Variants in PRKN observed in about 807,000 individuals in gnomAD.
PRKN encodes the protein E3 ubiquitin-protein ligase parkin.
In PRKN, 56 loss-of-function variants were observed where a neutral mutation model predicts 59.5. The ratio of observed to expected loss-of-function variants is 0.94; its 90% CI spans 0.76 to 1.18. PRKN has a LOEUF of 1.18. Among genes scored for constraint, PRKN ranks in the 50% most tolerant of loss-of-function variants. The probability of loss-of-function intolerance (pLI) is 0.00; values close to 1 mark genes in which losing one functional copy is unlikely to be tolerated. For synonymous variants in PRKN, 250 were observed against 222.1 expected, an observed-to-expected ratio of 1.13 and a Z score of -1.12; for missense variants, 657 against 596.4, an observed-to-expected ratio of 1.10 and a Z score of -1.06.
At chr6:162,697,363 A>C (rs549660563) in intron 1 of PRKN, among the ~76,000 whole-genome samples, 1 of 152,334 alleles carries the variant, frequency 6.6e-6, no homozygotes, top group African/African-American at 2.4e-5. Context: ...TTTAGGTCAA[A>C]AAAATGCTGA....
At chr6:162,497,071 T>C (rs528810500) in intron 1 of PRKN, among the ~76,000 whole-genome samples, 4 of 152,230 alleles carry the variant, frequency 2.6e-5, no homozygotes, top group Admixed American at 6.5e-5. Flanking sequence ...TAATGGCTAA[T>C]TGTATAAATT....
intron 4 of PRKN, among the ~76,000 whole-genome samples, chr6:162,154,528 A>G (rs1782418013): frequency 6.6e-6 from 1 of 151,656 alleles, no homozygotes; most frequent in African/African-American, 2.4e-5. Flanking sequence ...AAAGGAGAAA[A>G]AAAAAAAAAA....
intron 7 of PRKN, among the ~76,000 whole-genome samples, chr6:161,574,089 A>T (rs969798560): frequency 6.6e-6 from 1 of 152,066 alleles, no homozygotes; most frequent in South Asian, 2.1e-4. Flanking sequence ...GACACAGCAT[A>T]GACTTAGATG....
chr6:162,609,645 T>G (rs1280196470), intron 1 of PRKN, among the ~76,000 whole-genome samples: 1 of 152,178 alleles, frequency 6.6e-6, no homozygotes, highest in Non-Finnish European at 1.5e-5. Flanking sequence ...AACACAAACT[T>G]TGGATATTTA....
At chr6:162,676,393 T>C (rs939786503) in intron 1 of PRKN, among the ~76,000 whole-genome samples, 1 of 152,150 alleles carries the variant, frequency 6.6e-6, no homozygotes, top group Non-Finnish European at 1.5e-5. Flanking sequence ...AAAACTTTAT[T>C]GTCAGAGATT....
intron 2 of PRKN, among the ~76,000 whole-genome samples, chr6:162,269,386 G>A (rs948057906): frequency 1.3e-5 from 2 of 152,150 alleles, no homozygotes; most frequent in Non-Finnish European, 2.9e-5. Flanking sequence ...TCCAGATGGC[G>A]TTAGTAACTT....
intron 7 of PRKN, among the ~76,000 whole-genome samples, chr6:161,689,223 CACACACACACA>C (rs935655875): frequency 4.0e-5 from 4 of 100,660 alleles, no homozygotes; most frequent in African/African-American, 1.4e-4. Context: ...CACACACACA[CACACACACACA>C]AAGTGAACCC....
chr6:162,416,920 G>T (rs1788657154), intron 2 of PRKN, among the ~76,000 whole-genome samples: 1 of 152,108 alleles, frequency 6.6e-6, no homozygotes, highest in Admixed American at 6.5e-5. Context: ...GAATGTGTTT[G>T]AAATATATGG....
At chr6:161,807,042 G>GT (rs1445918089) in intron 6 of PRKN, among the ~76,000 whole-genome samples, 2 of 152,172 alleles carry the variant, frequency 1.3e-5, no homozygotes, top group Non-Finnish European at 2.9e-5. Context: ...CGCTGTAAGT[G>GT]TTAAACTTTA....
At chr6:162,548,135 C>T (rs977016710) in intron 1 of PRKN, among the ~76,000 whole-genome samples, 4 of 152,286 alleles carry the variant, frequency 2.6e-5, no homozygotes, top group Admixed American at 2.6e-4. Flanking sequence ...TTTTGGCTCA[C>T]TGCAACCTCC....
At chr6:162,367,264 T>C (rs1243279820) in intron 2 of PRKN, among the ~76,000 whole-genome samples, 5 of 152,212 alleles carry the variant, frequency 3.3e-5, no homozygotes, top group African/African-American at 1.2e-4. Flanking sequence ...TCTCCAGCCA[T>C]GCAGAACTGT....
At chr6:161,432,456 G>A (rs956585385) in intron 9 of PRKN, among the ~76,000 whole-genome samples, 2 of 148,248 alleles carry the variant, frequency 1.3e-5, no homozygotes, top group Non-Finnish European at 3.0e-5. Flanking sequence ...TCTGCCTCCC[G>A]GGTTCAAGCG....
chr6:162,567,370 C>T (rs936491057), intron 1 of PRKN, among the ~76,000 whole-genome samples: 5 of 152,130 alleles, frequency 3.3e-5, no homozygotes, highest in Admixed American at 6.5e-5. Context: ...TTTGGAAAAA[C>T]CTTAAGATTC....
chr6:162,635,016 T>C (rs1486304397), intron 1 of PRKN, among the ~76,000 whole-genome samples: 5 of 152,250 alleles, frequency 3.3e-5, no homozygotes, highest in Non-Finnish European at 5.9e-5. Context: ...TCAAATACTG[T>C]ATCTTACCTC....
At chr6:161,735,674 C>T (rs963277156) in intron 7 of PRKN, among the ~76,000 whole-genome samples, 3 of 151,420 alleles carry the variant, frequency 2.0e-5, no homozygotes, top group Non-Finnish European at 2.9e-5. Context: ...CCCAGCACCT[C>T]GGGAGACTGA....
chr6:161,733,783 A>ATATATATATATGTATATATATATAT (rs1554298472), intron 7 of PRKN, among the ~76,000 whole-genome samples: 3 of 86,226 alleles, frequency 3.5e-5, no homozygotes, highest in African/African-American at 1.8e-4. Flanking sequence ...AAAAAAAAAA[A>ATATATATATATGTATATATATATAT]ATATATATAT....
intron 7 of PRKN, among the ~76,000 whole-genome samples, chr6:161,626,142 C>T (rs892666720): frequency 6.6e-6 from 1 of 152,146 alleles, no homozygotes; most frequent in Non-Finnish European, 1.5e-5. Context: ...CCTCGCCGTG[C>T]ACACAGTGTC....
At chr6:161,673,956 T>G (rs1784999113) in intron 7 of PRKN, among the ~76,000 whole-genome samples, 1 of 152,186 alleles carries the variant, frequency 6.6e-6, no homozygotes, top group Non-Finnish European at 1.5e-5. Flanking sequence ...TATGGGGAAG[T>G]CAGGGTGGCA....
chr6:161,987,276 C>CTGAG (rs1781470355), intron 5 of PRKN, among the ~76,000 whole-genome samples: 1 of 152,204 alleles, frequency 6.6e-6, no homozygotes, highest in Non-Finnish European at 1.5e-5. Context: ...AAATGTTACA[C>CTGAG]TGAGTTTTTT....
Sources: gnomAD v4.1 joint callset for allele counts (sites outside exome capture counted in the v4.1 genomes callset) on GRCh38, gnomAD v4.1.1 for gene constraint, MANE v1.5 for transcripts, NCBI Gene and HGNC (gene_info 2026-07-23, HGNC 2026-07-21) for gene names.